Variants in MADD observed in about 807,000 individuals in gnomAD.
MADD encodes the protein MAP kinase-activating death domain protein.
MADD carries 109 observed loss-of-function variants against 176.7 expected under a neutral mutation model. The observed-to-expected ratio is 0.62, with a 90% CI of 0.53 to 0.72. The LOEUF (loss-of-function observed/expected upper bound fraction) is 0.72, where lower values mean the gene tolerates loss of function less well. Ranked by LOEUF, MADD falls within the 30% of genes least tolerant of loss-of-function variation. MADD has a pLI of 0.00. For missense variants in MADD, 1,914 were observed against 2,045.5 expected, an observed-to-expected ratio of 0.94 and a Z score of 1.24; for synonymous variants, 771 against 771.3, an observed-to-expected ratio of 1.00 and a Z score of 0.01.
chr11:47,320,515 T>C (rs902601907), intron 27 of MADD, among the ~76,000 whole-genome samples: 3 of 143,254 alleles, frequency 2.1e-5, no homozygotes, highest in Non-Finnish European at 4.6e-5. Context: ...GCCAAGCATG[T>C]TGGCTCACGC....
intron 1 of MADD, among the ~76,000 whole-genome samples, chr11:47,271,727 TC>T (rs1438403682): frequency 2.0e-5 from 3 of 149,534 alleles, no homozygotes; most frequent in Non-Finnish European, 4.5e-5. Context: ...TCTACATAAT[TC>T]TTTTTTTTTT....
At chr11:47,328,412 A>G (rs1165028657) in intron 31 of MADD, 2 of 1,416,978 alleles carry the variant, frequency 1.4e-6, no homozygotes, top group Non-Finnish European at 9.2e-7. Context: ...ACGGCCATCA[A>G]GTAAACGCCA....
chr11:47,295,601 A>G (rs753115696), intron 21 of MADD, 22 bp downstream of exon 23: 2 of 1,613,694 alleles, frequency 1.2e-6, no homozygotes, highest in African/African-American at 1.3e-5. Context: ...CCACACTGGC[A>G]TCTTGGTGGG....
At chr11:47,327,135 C>T (rs998818109) in intron 31 of MADD, 260 of 1,065,102 alleles carry the variant, frequency 2.4e-4, no homozygotes, top group Non-Finnish European at 2.9e-4. Context: ...AGACTGGCGA[C>T]CCCCAAGCTC....
intron 7 of MADD, among the ~76,000 whole-genome samples, chr11:47,280,655 C>T (rs1285169676): frequency 6.6e-6 from 1 of 152,180 alleles, no homozygotes; most frequent in East Asian, 1.9e-4. Flanking sequence ...TTCTCTGCCT[C>T]CCAAGTTCAA....
chr11:47,312,105 C>T (rs565348453), intron 26 of MADD, among the ~76,000 whole-genome samples: 7 of 152,238 alleles, frequency 4.6e-5, no homozygotes, highest in African/African-American at 7.2e-5. Context: ...GCTGTTTTCA[C>T]GGGGTTACAT....
At chr11:47,285,262 G>A in intron 13 of MADD, 68 bp downstream of exon 13, 2 of 1,579,010 alleles carry the variant, frequency 1.3e-6, no homozygotes, top group East Asian at 2.2e-5. Flanking sequence ...CCTGGGCAAG[G>A]GTTAATCAGA....
intron 27 of MADD, among the ~76,000 whole-genome samples, chr11:47,320,513 T>C (rs1183429482): frequency 6.6e-6 from 1 of 151,806 alleles, no homozygotes; most frequent in Non-Finnish European, 1.5e-5. Context: ...AGGCCAAGCA[T>C]GTTGGCTCAC....
chr11:47,282,754 G>A, intron 9 of MADD, 59 bp from the exon 10 acceptor site: 1 of 1,601,012 alleles, frequency 6.2e-7, no homozygotes, highest in Non-Finnish European at 8.5e-7. Context: ...TTTCTTTCAG[G>A]CGTTGCTTGC....
chr11:47,276,949 C>T lies in MADD; in HGVS notation c.1095+86C>T. The T allele has an allele frequency of 3.4e-6, 5 of 1,470,122 alleles. No homozygotes were observed. In the South Asian group the frequency reaches 6.0e-5, roughly 18 times the overall value. The allele number at this position is 1,470,122 out of a possible 1,614,324, so 91.1% of individuals were successfully genotyped here. ...TGCTCAAAGAAGTTGTAAGTGAGTGCTGGTCCTCAATCCTTTGTCATAACT... is the reference window on the plus strand; with the variant it reads ...TGCTCAAAGAAGTTGTAAGTGAGTGTTGGTCCTCAATCCTTTGTCATAACT... On this transcript the variant is annotated intron_variant, in intron 5 of 32. Coordinates refer to ENST00000402192, the Ensembl canonical transcript of MADD.
chr11:47,328,344 C>T, intron 31 of MADD: 3 of 1,288,618 alleles, frequency 2.3e-6, no homozygotes. Flanking sequence ...TAGCTGTGAC[C>T]AGGCTGGTGA....
At position 47,285,541 on chromosome 11, in the gene MADD, C is replaced by T. The variant is rs148592803; in HGVS notation, c.2502C>T (p.Thr834=). The change falls in exon 14 of 33, where the codon ACC becomes ACT. Residue 834 remains threonine, a synonymous_variant. Transcript: ENST00000402192. The stretch of plus-strand genomic sequence containing the variant: ...CTCGGGCAAGCTCTCCCAACTCCAC[C>T]GTCTCCAACACCAGCACCGAGGGCT... 87 of 1,614,170 alleles carry T rather than the reference C, an allele frequency of 5.4e-5. No individual in the cohort carries two copies. The African/African-American group carries it at 6.3e-4, about 12-fold the overall frequency.
At chr11:47,310,981 T>C (rs139015574) in intron 25 of MADD, among the ~76,000 whole-genome samples, 2,028 of 152,198 alleles carry the variant, frequency 0.013, 32 homozygotes, top group Admixed American at 0.024. Context: ...GAATTTTCTA[T>C]AGTTATAAAA....
chr11:47,316,169 A>G (rs1308722110), intron 27 of MADD, among the ~76,000 whole-genome samples: 1 of 151,544 alleles, frequency 6.6e-6, no homozygotes, highest in Non-Finnish European at 1.5e-5. Flanking sequence ...GCGCACACAC[A>G]CGCGCACACA....
At chr11:47,285,116 G>A (rs772764018) in exon 13 of MADD, 2 of 1,614,062 alleles carry the variant, frequency 1.2e-6, no homozygotes, top group South Asian at 2.2e-5. Flanking sequence ...CCCCAATATG[G>A]CTTTCCCCCT....
chr11:47,284,666 C>T (rs2059376098), intron 12 of MADD, 101 bp downstream of exon 12: 2 of 1,426,506 alleles, frequency 1.4e-6, no homozygotes, highest in Admixed American at 2.2e-5. Flanking sequence ...GCTTCTCACA[C>T]AATTTTCTCA....
Position 47,285,441 on chromosome 11 carries a change from T to C in MADD, c.2412-10T>C. On this transcript the variant is annotated splice_polypyrimidine_tract_variant and intron_variant, in intron 13 of 32. Transcript: ENST00000402192. ...TGCCTGGGGATCATAGGTGCCTCTG[T>C]GCATTCAAGGGCTCAAAAGCTGCTG... The C allele has an allele frequency of 6.2e-7, 1 of 1,614,082 alleles. No homozygotes were observed. The highest frequency in any genetic ancestry group is 8.5e-7 in the Non-Finnish European group (1 of 1,180,012).
At chr11:47,284,508 C>T (rs563273426) in exon 12 of MADD, 1 of 1,614,112 alleles carries the variant, frequency 6.2e-7, no homozygotes, top group African/African-American at 1.3e-5. Context: ...CACTGCGCTC[C>T]AGCTCTAGCA....
At chr11:47,300,054 C>T (rs374819898) in intron 22 of MADD, among the ~76,000 whole-genome samples, 22 of 152,186 alleles carry the variant, frequency 1.4e-4, no homozygotes, top group African/African-American at 3.1e-4. Context: ...GAGGTATGTT[C>T]GCTCTGTACC....
Sources: gnomAD v4.1 joint callset for allele counts (sites outside exome capture counted in the v4.1 genomes callset) on GRCh38, gnomAD v4.1.1 for gene constraint, MANE v1.5 for transcripts, NCBI Gene and HGNC (gene_info 2026-07-23, HGNC 2026-07-21) for gene names.